TCF7L1: variants seen among roughly 807,000 people sequenced by gnomAD.
TCF7L1 encodes transcription factor 7-like 1.
TCF7L1 carries 18 observed loss-of-function variants against 63.7 expected under a neutral mutation model. The ratio of observed to expected loss-of-function variants is 0.28; its 90% CI spans 0.20 to 0.42. The LOEUF (loss-of-function observed/expected upper bound fraction) is 0.42. Ranked by LOEUF, TCF7L1 falls within the 10% of genes least tolerant of loss-of-function variation. TCF7L1 has a pLI of 1.00. For synonymous variants in TCF7L1, 355 were observed against 340.9 expected (o/e 1.04, Z -0.46); for missense variants, 654 against 779.3 (o/e 0.84, Z 1.91).
rs1181885759 is a variant in TCF7L1, at chr2:85,309,257, C to A, written c.1562C>A (p.Ala521Asp). The change falls in exon 12 of 12, where the codon GCC becomes GAC. Residue 521 changes from alanine to aspartate, a missense_variant. Transcript: ENST00000282111. ...TRAQLALHSAAFLSAKAAASS... is the reference protein window; with the variant it reads ...TRAQLALHSADFLSAKAAASS... ...GCCCAGCTGGCTCTCCACTCTGCCG[C>A]CTTCCTGTCGGCTAAGGCTGCAGCC... is the stretch of plus-strand genomic sequence containing the variant. The A allele has an allele frequency of 2.5e-6, 4 of 1,613,836 alleles. No individual in the cohort carries two copies. The African/African-American group carries it at 5.3e-5, about 22-fold the overall frequency.
At chr2:85,255,920 C>G (rs1680705475) in intron 3 of TCF7L1, among the ~76,000 whole-genome samples, 1 of 152,136 alleles carries the variant, frequency 6.6e-6, no homozygotes, top group Non-Finnish European at 1.5e-5. Context: ...TTTGTCTGAG[C>G]CCCTTGCACC....
intron 3 of TCF7L1, among the ~76,000 whole-genome samples, chr2:85,206,487 A>G (rs1679413082): frequency 6.6e-6 from 1 of 152,252 alleles, no homozygotes; most frequent in East Asian, 1.9e-4. Flanking sequence ...GCCAAGTCCC[A>G]GGCTCTGGGA....
rs148426572 is a variant in TCF7L1, at chr2:85,133,974, T to TGCGTCCGC, written c.250-41_250-34dup. 4.2e-3 allele frequency: 6,633 copies of TGCGTCCGC among 1,591,184 alleles called. 238 individuals carry two copies. The African/African-American group carries it at 0.08, about 19-fold the overall frequency. ...GGCCACCCCCGGGGGATCCCGGCCCTGCGTCCGCTCACCCGCTCTTGCCTT... is the reference window on the plus strand; with the variant it reads ...GGCCACCCCCGGGGGATCCCGGCCCTGCGTCCGCGCGTCCGCTCACCCGCTCTTGCCTT... On this transcript the variant is annotated intron_variant, in intron 1 of 11. Transcript: ENST00000282111. The surrounding 1 kb of genome is among the most constrained non-coding windows in gnomAD (Gnocchi z 4.4).
intron 3 of TCF7L1, among the ~76,000 whole-genome samples, chr2:85,259,063 G>C (rs1292342131): frequency 1.6e-4 from 24 of 152,214 alleles, no homozygotes; most frequent in Admixed American, 1.6e-3. Flanking sequence ...ATTTGGGACA[G>C]AAGCCCTGTC....
intron 3 of TCF7L1, among the ~76,000 whole-genome samples, chr2:85,213,146 C>G: frequency 1.3e-5 from 1 of 75,506 alleles, no homozygotes; most frequent in Non-Finnish European, 2.7e-5. Flanking sequence ...TTCCCTGTGG[C>G]TGGGGTGGGG....
chr2:85,176,198 T>C (rs1678674055), intron 3 of TCF7L1, among the ~76,000 whole-genome samples: 1 of 152,208 alleles, frequency 6.6e-6, no homozygotes. Flanking sequence ...TTGGAAGCTC[T>C]GGTGTAGCTC....
chr2:85,145,216 A>G (rs190723437), intron 3 of TCF7L1, among the ~76,000 whole-genome samples: 91 of 152,302 alleles, frequency 6.0e-4, no homozygotes, highest in African/African-American at 2.2e-3. Context: ...TACCTAAGCC[A>G]TCCTAGAGAC....
chr2:85,152,416 G>T (rs1678037251), intron 3 of TCF7L1, among the ~76,000 whole-genome samples: 1 of 149,730 alleles, frequency 6.7e-6, no homozygotes, highest in South Asian at 2.1e-4. Flanking sequence ...GCTCTAAAAG[G>T]ATATACCATT....
rs561176028 is a variant in TCF7L1 at position 85,244,332 on chromosome 2, G to A, written c.442-39163G>A. Among the ~76,000 whole-genome samples, 64 of 152,300 alleles carry A rather than the reference G, an allele frequency of 4.2e-4. 1 individual carries two copies. Among genetic ancestry groups the A allele is most frequent in the African/African-American group, 1.4e-3 (60 of 41,562 alleles). On this transcript the variant is annotated intron_variant, in intron 3 of 11. Transcript: ENST00000282111. The stretch of plus-strand genomic sequence containing the variant: ...GATCCAACCTTTGTTTTAACGTAGC[G>A]CCATGGCTGCCATGATATAATCATA...
intron 3 of TCF7L1, among the ~76,000 whole-genome samples, chr2:85,276,182 A>T (rs530250707): frequency 2.0e-5 from 3 of 152,302 alleles, no homozygotes; most frequent in African/African-American, 7.2e-5. Context: ...TGTTTTCCCA[A>T]TTGGGAAAGC....
chr2:85,181,703 T>A (rs1678808146), intron 3 of TCF7L1, among the ~76,000 whole-genome samples: 2 of 152,214 alleles, frequency 1.3e-5, no homozygotes, highest in African/African-American at 2.4e-5. Flanking sequence ...CTGGTCCGTG[T>A]GTCTGCATCT....
chr2:85,217,621 C>T (rs1679738822), intron 3 of TCF7L1, among the ~76,000 whole-genome samples: 1 of 152,166 alleles, frequency 6.6e-6, no homozygotes. Context: ...TACTGACATC[C>T]TACCCACCAC....
chr2:85,168,018 G>A (rs552657363), intron 3 of TCF7L1, among the ~76,000 whole-genome samples: 3 of 152,176 alleles, frequency 2.0e-5, no homozygotes, highest in Admixed American at 6.5e-5. Flanking sequence ...CTTAAAGAAC[G>A]CTGGTTGCCA....
chr2:85,162,579 A>G (rs527759859), intron 3 of TCF7L1, among the ~76,000 whole-genome samples: 2 of 152,266 alleles, frequency 1.3e-5, no homozygotes, highest in South Asian at 2.1e-4. Flanking sequence ...TCATGGGTCA[A>G]ACCTTCTGAT....
At chr2:85,226,261 G>C (rs1230250149) in intron 3 of TCF7L1, among the ~76,000 whole-genome samples, 1 of 152,168 alleles carries the variant, frequency 6.6e-6, no homozygotes, top group African/African-American at 2.4e-5. Context: ...TCTCTGCCAG[G>C]CTTTGGTATC....
At chr2:85,144,917 C>T (rs549632179) in intron 3 of TCF7L1, among the ~76,000 whole-genome samples, 1 of 151,896 alleles carries the variant, frequency 6.6e-6, no homozygotes, top group Non-Finnish European at 1.5e-5. Flanking sequence ...AACCCCGTCT[C>T]TACTAAAAAT....
intron 3 of TCF7L1, among the ~76,000 whole-genome samples, chr2:85,263,658 G>A (rs1680906659): frequency 6.6e-6 from 1 of 152,218 alleles, no homozygotes; most frequent in African/African-American, 2.4e-5. Context: ...CAGGATCAGG[G>A]CTGGATTTTG....
intron 3 of TCF7L1, among the ~76,000 whole-genome samples, chr2:85,172,440 A>G (rs1678567452): frequency 6.6e-6 from 1 of 151,992 alleles, no homozygotes; most frequent in Non-Finnish European, 1.5e-5. Context: ...TGTTTGTTTG[A>G]TTGTTTGAGA....
At chr2:85,207,538 T>TA (rs1374891092) in intron 3 of TCF7L1, among the ~76,000 whole-genome samples, 1 of 151,990 alleles carries the variant, frequency 6.6e-6, no homozygotes, top group Non-Finnish European at 1.5e-5. Flanking sequence ...CACCCATTTA[T>TA]AAAATGGTCA....
Sources: gnomAD v4.1 joint callset for allele counts (sites outside exome capture counted in the v4.1 genomes callset) on GRCh38, gnomAD v4.1.1 for gene constraint, Gnocchi (gnomAD v3.1) non-coding constraint, MANE v1.5 for transcripts, NCBI Gene and HGNC (gene_info 2026-07-23, HGNC 2026-07-21) for gene names.